Variants in NUDCD3 observed in about 807,000 individuals in gnomAD.
NUDCD3 encodes the protein nudC domain-containing protein 3.
NUDCD3 carries 13 observed loss-of-function variants against 39.7 expected under a neutral mutation model. That is an observed-to-expected ratio of 0.33 (90% CI 0.21 to 0.52). The LOEUF (loss-of-function observed/expected upper bound fraction) is 0.52. Ranked by LOEUF, NUDCD3 falls within the 20% of genes least tolerant of loss-of-function variation. The pLI is 0.96. For missense variants in NUDCD3, 453 were observed against 458.1 expected (o/e 0.99, Z 0.10); for synonymous variants, 175 against 172.4 (o/e 1.02, Z -0.12).
At chr7:44,427,472 C>A in intron 3 of NUDCD3, 99 bp downstream of exon 3, 8 of 1,354,484 alleles carry the variant, frequency 5.9e-6, no homozygotes, top group Non-Finnish European at 8.1e-6. Flanking sequence ...ATCCTAAAGC[C>A]GATCTCAACA....
chr7:44,467,020 T>C (rs533345608), intron 2 of NUDCD3, among the ~76,000 whole-genome samples: 7 of 151,964 alleles, frequency 4.6e-5, no homozygotes, highest in Non-Finnish European at 1.0e-4. Flanking sequence ...CAGTGAAGAT[T>C]GAGGGGCACT....
intron 3 of NUDCD3, among the ~76,000 whole-genome samples, chr7:44,417,160 C>T (rs911591660): frequency 2.0e-5 from 3 of 152,200 alleles, no homozygotes; most frequent in African/African-American, 4.8e-5. Context: ...ACAGCCCACA[C>T]GTTTAGAAAA....
intron 4 of NUDCD3, among the ~76,000 whole-genome samples, chr7:44,393,762 G>C (rs1798566276): frequency 1.3e-5 from 2 of 152,172 alleles, no homozygotes; most frequent in Admixed American, 1.3e-4. Context: ...CCGCAAGTGA[G>C]AGCAGCTCTC....
chr7:44,385,463 G>A lies in NUDCD3; in HGVS notation c.*548C>T, dbSNP rs1798386089. 1.3e-5 allele frequency: 2 copies of A among 153,842 alleles called. No homozygotes were observed. The highest frequency in any genetic ancestry group is 2.0e-4 in the South Asian group (1 of 4,902). The allele number at this position is 153,842 out of a possible 1,614,324, so 9.5% of individuals were successfully genotyped here. A position where few individuals can be genotyped will look rare whatever the true frequency, so the allele number is the denominator to read the frequency against. Reference sequence around the variant, plus strand: ...AGGCAAAGCACATTTATAAGGGGATGAGCAAGAAGACCACGTGAATGCTCT... The same window carrying A: ...AGGCAAAGCACATTTATAAGGGGATAAGCAAGAAGACCACGTGAATGCTCT... On this transcript the variant is annotated 3_prime_UTR_variant, in exon 6 of 6. Transcript: ENST00000355451.
Position 44,404,500 on chromosome 7 carries a change from G to A in NUDCD3, c.726C>T (p.Leu242=). The part of the protein sequence containing the change: ...NGERVLMEGK[L]THKINTESSL... ...AACTCTCAGTGTTGATCTTGTGGGT[G>A]AGCTTCCCTTCCATGAGGACGCGCT... is the stretch of plus-strand genomic sequence containing the variant. The change falls in exon 4 of 6, where the codon CTC becomes CTT. Residue 242 remains leucine (L), a synonymous_variant. Transcript: ENST00000355451. 6.2e-7 allele frequency: 1 copy of A among 1,611,504 alleles called. No individual in the cohort carries two copies. Among genetic ancestry groups the A allele is most frequent in the South Asian group, 1.1e-5 (1 of 90,862 alleles).
rs1190638465 is a variant in NUDCD3, at chr7:44,465,402, C to T, written c.509+19566G>A. Among the ~76,000 whole-genome samples the T allele has an allele frequency of 2.0e-5, 3 of 152,202 alleles. No individual in the cohort carries two copies. In the East Asian group the frequency reaches 5.8e-4, roughly 29 times the overall value. The stretch of plus-strand genomic sequence containing the variant: ...AGCCGTTAGAGAACACAGCAGACAC[C>T]CACTGAGACTGATGTGGATGAGCAG... On this transcript the variant is annotated intron_variant, in intron 2 of 5. Transcript: ENST00000355451.
At chr7:44,467,576 G>A (rs1750902171) in intron 2 of NUDCD3, among the ~76,000 whole-genome samples, 1 of 152,044 alleles carries the variant, frequency 6.6e-6, no homozygotes, top group Admixed American at 6.5e-5. Context: ...AGAGATCAAG[G>A]TCCCCATTGA....
intron 5 of NUDCD3, among the ~76,000 whole-genome samples, chr7:44,386,678 T>C (rs921420723): frequency 2.0e-5 from 3 of 152,224 alleles, no homozygotes; most frequent in South Asian, 4.1e-4. Flanking sequence ...AACCTCAGAA[T>C]GTCCAGTGGT....
intron 2 of NUDCD3, chr7:44,468,076 T>C (rs1313597897): frequency 6.2e-7 from 1 of 1,612,072 alleles, no homozygotes; most frequent in Non-Finnish European, 8.5e-7. Flanking sequence ...ACATTGGTTA[T>C]GGGAGCAACA....
At chr7:44,398,890 A>G (rs1452105225) in intron 4 of NUDCD3, among the ~76,000 whole-genome samples, 2 of 152,188 alleles carry the variant, frequency 1.3e-5, no homozygotes, top group East Asian at 1.9e-4. Context: ...GTGGGCCACA[A>G]TGGAGCAGAT....
intron 2 of NUDCD3, among the ~76,000 whole-genome samples, chr7:44,479,149 C>T (rs970074157): frequency 6.6e-5 from 10 of 152,074 alleles, no homozygotes. Flanking sequence ...TTCACTGCCT[C>T]CCACCGGGTC....
chr7:44,478,511 C>A (rs1800427311), intron 2 of NUDCD3, among the ~76,000 whole-genome samples: 1 of 152,146 alleles, frequency 6.6e-6, no homozygotes, highest in Non-Finnish European at 1.5e-5. Flanking sequence ...CGAGATCATG[C>A]CATTGCACTC....
intron 2 of NUDCD3, among the ~76,000 whole-genome samples, chr7:44,456,105 A>G: frequency 6.6e-6 from 1 of 151,326 alleles, no homozygotes. Context: ...AAGAGCTTTT[A>G]GAAACTAATA....
At chr7:44,442,740 G>T (rs1479335912) in intron 2 of NUDCD3, among the ~76,000 whole-genome samples, 2 of 139,758 alleles carry the variant, frequency 1.4e-5, no homozygotes, top group Admixed American at 7.6e-5. Context: ...CTTTGGCCCA[G>T]GCCGGACTGC....
chr7:44,469,706 T>C (rs924527814), intron 2 of NUDCD3, among the ~76,000 whole-genome samples: 1 of 152,148 alleles, frequency 6.6e-6, no homozygotes, highest in Non-Finnish European at 1.5e-5. Flanking sequence ...GGACAAATCC[T>C]GGCATGACAC....
chr7:44,413,883 C>A (rs949584362), intron 3 of NUDCD3, among the ~76,000 whole-genome samples: 2 of 151,984 alleles, frequency 1.3e-5, no homozygotes, highest in Non-Finnish European at 2.9e-5. Context: ...AAGGAAAACC[C>A]CATCTCTACA....
intron 3 of NUDCD3, among the ~76,000 whole-genome samples, chr7:44,406,845 C>T (rs1457251498): frequency 1.3e-5 from 2 of 152,134 alleles, no homozygotes; most frequent in Non-Finnish European, 2.9e-5. Context: ...GGAGGAGGGG[C>T]ACAGGAGACA....
At chr7:44,468,345 ACTG>A in intron 2 of NUDCD3, 24 of 1,076,012 alleles carry the variant, frequency 2.2e-5, no homozygotes, top group Admixed American at 2.5e-5. Flanking sequence ...AAATGTAAAA[ACTG>A]CAAAAAAAAA....
intron 3 of NUDCD3, chr7:44,425,897 CACTT>C (rs1799224993): frequency 6.6e-6 from 1 of 152,544 alleles, no homozygotes; most frequent in African/African-American, 2.4e-5. Flanking sequence ...AACGTCTACT[CACTT>C]AAACTCATTA....
Sources: allele counts gnomAD v4.1 joint callset (sites outside exome capture counted in the v4.1 genomes callset), GRCh38; gene constraint gnomAD v4.1.1; transcripts MANE v1.5; gene names NCBI Gene and HGNC (gene_info 2026-07-23, HGNC 2026-07-21).